CCSER1: variants seen among roughly 807,000 people sequenced by gnomAD.
The protein encoded by CCSER1 is serine-rich coiled-coil domain-containing protein 1.
A neutral mutation model predicts 82.0 loss-of-function variants in CCSER1; 41 were observed. The observed-to-expected ratio is 0.50, with a 90% confidence interval of 0.39 to 0.65. The LOEUF (loss-of-function observed/expected upper bound fraction) is 0.65. Ranked by LOEUF, CCSER1 falls within the 30% of genes least tolerant of loss-of-function variation. The probability of loss-of-function intolerance (pLI) is 0.00; values close to 1 mark genes in which losing one functional copy is unlikely to be tolerated. For missense variants in CCSER1, 1,119 were observed against 1,064.2 expected (o/e 1.05, Z -0.72); for synonymous variants, 414 against 383.9 (o/e 1.08, Z -0.92).
At chr4:90,537,577 A>G (rs566925939) in intron 5 of CCSER1, among the ~76,000 whole-genome samples, 1 of 152,236 alleles carries the variant, frequency 6.6e-6, no homozygotes, top group Non-Finnish European at 1.5e-5. Flanking sequence ...GCGTATATTT[A>G]ATCCTGCATT....
At chr4:91,434,399 G>A (rs1358062450) in intron 10 of CCSER1, among the ~76,000 whole-genome samples, 2 of 152,050 alleles carry the variant, frequency 1.3e-5, no homozygotes, top group Non-Finnish European at 2.9e-5. Flanking sequence ...TTACAGAGAA[G>A]CCATAAAATA....
chr4:91,604,361 CA>C lies in CCSER1; in HGVS notation c.*5308del, dbSNP rs1264381113. The stretch of plus-strand genomic sequence containing the variant: ...TAAGCAATGATCTATTTTAGGAAAT[CA>C]AAATACTGTTCATTGAAAAGCAGTT... On this transcript the variant is annotated 3_prime_UTR_variant, in exon 11 of 11. Transcript: ENST00000509176. 1 of 151,958 alleles carries C rather than the reference CA, an allele frequency of 6.6e-6. No homozygotes were observed. Among genetic ancestry groups the C allele is most frequent in the Non-Finnish European group, 1.5e-5 (1 of 67,926 alleles). 9.4% of individuals were successfully genotyped at this position (151,958 alleles called of 1,614,324 possible).
At chr4:90,486,431 A>G (rs1767067593) in intron 5 of CCSER1, among the ~76,000 whole-genome samples, 1 of 152,182 alleles carries the variant, frequency 6.6e-6, no homozygotes, top group African/African-American at 2.4e-5. Context: ...CCTCATAGTC[A>G]CTTCAAAGTT....
chr4:90,646,715 A>G (rs1015350738), intron 6 of CCSER1, among the ~76,000 whole-genome samples: 8 of 152,072 alleles, frequency 5.3e-5, no homozygotes, highest in African/African-American at 1.9e-4. Flanking sequence ...CTGTGTGTGA[A>G]TTTAATTTCT....
intron 5 of CCSER1, among the ~76,000 whole-genome samples, chr4:90,543,955 A>G (rs1043715021): frequency 2.0e-5 from 3 of 152,132 alleles, no homozygotes; most frequent in African/African-American, 4.8e-5. Flanking sequence ...AGCCTGTCAC[A>G]GTTTTACAGA....
chr4:90,138,288 A>T (rs1724074441), intron 1 of CCSER1, among the ~76,000 whole-genome samples: 1 of 152,050 alleles, frequency 6.6e-6, no homozygotes, highest in South Asian at 2.1e-4. Context: ...AACTCCTGGG[A>T]TCAAGTGATC....
intron 9 of CCSER1, among the ~76,000 whole-genome samples, chr4:91,059,365 G>GTATATAGA (rs1743758905): frequency 3.5e-5 from 3 of 85,038 alleles, no homozygotes; most frequent in African/African-American, 1.3e-4. Flanking sequence ...GTGTGTATGT[G>GTATATAGA]TGTGTGTGCG....
chr4:91,112,024 T>C (rs1443420714), intron 10 of CCSER1, among the ~76,000 whole-genome samples: 3 of 152,088 alleles, frequency 2.0e-5, no homozygotes, highest in African/African-American at 7.2e-5. Context: ...CCTTATTTCA[T>C]GTAACTGTGG....
At chr4:90,805,658 T>A (rs893820494) in intron 7 of CCSER1, among the ~76,000 whole-genome samples, 4 of 152,190 alleles carry the variant, frequency 2.6e-5, no homozygotes, top group African/African-American at 9.7e-5. Flanking sequence ...GTTCCATATT[T>A]ATGGATAATT....
chr4:91,489,586 C>T (rs1028461506), intron 10 of CCSER1, among the ~76,000 whole-genome samples: 1 of 152,072 alleles, frequency 6.6e-6, no homozygotes, highest in African/African-American at 2.4e-5. Flanking sequence ...TGACTGATCA[C>T]CTGAGGTCAG....
At chr4:91,000,183 T>C (rs539276639) in intron 9 of CCSER1, among the ~76,000 whole-genome samples, 1 of 151,832 alleles carries the variant, frequency 6.6e-6, no homozygotes, top group South Asian at 2.1e-4. Context: ...GTATAGGTTA[T>C]ATAGGCTAAT....
At chr4:90,403,723 A>G (rs1753282354) in intron 4 of CCSER1, among the ~76,000 whole-genome samples, 1 of 152,196 alleles carries the variant, frequency 6.6e-6, no homozygotes, top group Non-Finnish European at 1.5e-5. Context: ...CTTCTTAAAG[A>G]CAATGCATAT....
At chr4:90,819,438 T>C (rs889310386) in intron 8 of CCSER1, among the ~76,000 whole-genome samples, 2 of 152,194 alleles carry the variant, frequency 1.3e-5, no homozygotes, top group Non-Finnish European at 2.9e-5. Context: ...AGAGTTCTAC[T>C]ATATATTTTT....
intron 10 of CCSER1, among the ~76,000 whole-genome samples, chr4:91,260,927 A>G (rs1231111189): frequency 6.6e-6 from 1 of 151,496 alleles, no homozygotes; most frequent in African/African-American, 2.4e-5. Context: ...CGCCAGGCTA[A>G]TTTCTTTTTG....
intron 4 of CCSER1, among the ~76,000 whole-genome samples, chr4:90,446,384 A>G (rs1292274083): frequency 6.6e-6 from 1 of 152,182 alleles, no homozygotes; most frequent in East Asian, 1.9e-4. Flanking sequence ...CCATTGAATT[A>G]CTGTCAGTAT....
chr4:90,622,931 G>A (rs1158379190), intron 5 of CCSER1, among the ~76,000 whole-genome samples: 4 of 150,874 alleles, frequency 2.7e-5, no homozygotes, highest in African/African-American at 9.8e-5. Flanking sequence ...AGCACCTGTT[G>A]TTTCCTGACT....
chr4:90,502,306 C>G (rs1242223922), intron 5 of CCSER1, among the ~76,000 whole-genome samples: 3 of 152,038 alleles, frequency 2.0e-5, no homozygotes, highest in Non-Finnish European at 4.4e-5. Flanking sequence ...AGAAAGAGAG[C>G]ACAAGGGGAA....
chr4:91,511,408 CTGGGTAGTA>C (rs1328712820), intron 10 of CCSER1, among the ~76,000 whole-genome samples: 1 of 152,090 alleles, frequency 6.6e-6, no homozygotes, highest in African/African-American at 2.4e-5. Context: ...GTAGATTGCT[CTGGGTAGTA>C]TGGCCATTTT....
chr4:90,440,343 A>T (rs989450090), intron 4 of CCSER1, among the ~76,000 whole-genome samples: 2 of 152,188 alleles, frequency 1.3e-5, no homozygotes, highest in African/African-American at 4.8e-5. Context: ...ACATGTTTCT[A>T]TTCTGTCTAA....
Sources: gnomAD v4.1 joint callset for allele counts (sites outside exome capture counted in the v4.1 genomes callset) on GRCh38, gnomAD v4.1.1 for gene constraint, MANE v1.5 for transcripts, NCBI Gene and HGNC (gene_info 2026-07-23, HGNC 2026-07-21) for gene names.